Variants in SEC61A1 observed in about 807,000 individuals in gnomAD.
SEC61A1 encodes protein transport protein Sec61 subunit alpha isoform 1.
A neutral mutation model predicts 55.2 loss-of-function variants in SEC61A1; 15 were observed. The observed-to-expected ratio is 0.27, with a 90% CI of 0.18 to 0.42. The LOEUF (loss-of-function observed/expected upper bound fraction) is 0.42. Among genes scored for constraint, SEC61A1 ranks in the 10% least tolerant of loss-of-function variants. The pLI is 1.00. For missense variants in SEC61A1, 284 were observed against 602.6 expected (o/e 0.47, Z 5.53); for synonymous variants, 247 against 234.0 (o/e 1.06, Z -0.51).
Position 128,064,656 on chromosome 3 carries a change from A to C in SEC61A1, c.617-221A>C, listed in dbSNP as rs1941908430. 1.1e-5 allele frequency: 6 copies of C among 536,618 alleles called. No individual in the cohort carries two copies. In the South Asian group the frequency reaches 1.5e-4, roughly 13 times the overall value. The allele number at this position is 536,618 out of a possible 1,614,324, so 33.2% of individuals were successfully genotyped here. A position where few individuals can be genotyped will look rare whatever the true frequency, so the allele number is the denominator to read the frequency against. ...GAGAGAGAGGGACCCTGTCTAAAAAAAATCAAAAACAAACCAGAATAGCCC... is the reference window on the plus strand; with the variant it reads ...GAGAGAGAGGGACCCTGTCTAAAAACAATCAAAAACAAACCAGAATAGCCC... On this transcript the variant is annotated intron_variant, in intron 7 of 11. Transcript: ENST00000243253.
chr3:128,066,037 C>T (rs564524600), intron 8 of SEC61A1, among the ~76,000 whole-genome samples: 5 of 152,192 alleles, frequency 3.3e-5, no homozygotes, highest in African/African-American at 7.2e-5. Context: ...CCACCGCACC[C>T]GGCCTTAAGT....
intron 2 of SEC61A1, among the ~76,000 whole-genome samples, chr3:128,053,157 GCCCTGT>G (rs1941715396): frequency 6.6e-6 from 1 of 152,160 alleles, no homozygotes; most frequent in South Asian, 2.1e-4. Context: ...GCCTCCGGTT[GCCCTGT>G]CCCAAAAATG....
At position 128,066,987 on chromosome 3, in the gene SEC61A1, C is replaced by G. The variant is rs1425539176; in HGVS notation, c.811C>G (p.Arg271Gly). 1.2e-6 allele frequency: 2 copies of G among 1,614,162 alleles called. No homozygotes were observed. The highest frequency in any genetic ancestry group is 8.5e-7 in the Non-Finnish European group (1 of 1,180,024). The change falls in exon 9 of 12, where the codon CGC (arginine) becomes GGC (glycine). Residue 271 changes from arginine to glycine, a missense_variant. By Grantham distance (125) the Arg-to-Gly change is moderately radical. Coordinates refer to ENST00000243253, the MANE Select transcript of SEC61A1 (RefSeq NM_013336.4). ...AGTGGACCTGCCAATCAAGTCGGCC[C>G]GCTACCGTGGCCAGTACAACACCTA... ...FRVDLPIKSA[R>G]YRGQYNTYPI...
upstream of SEC61A1, chr3:128,052,432 G>A (rs1342017635): frequency 1.4e-6 from 2 of 1,400,160 alleles, no homozygotes; most frequent in South Asian, 1.6e-5. Flanking sequence ...CGCCGGGCTA[G>A]CACTGACGTG....
chr3:128,052,238 G>T (rs559451770), upstream of SEC61A1: 72 of 327,452 alleles, frequency 2.2e-4, no homozygotes, highest in Admixed American at 4.1e-4. Flanking sequence ...CAGTCCCGGC[G>T]GGCCCCGCGC....
chr3:128,061,960 G>A (rs1012768082), intron 7 of SEC61A1, among the ~76,000 whole-genome samples: 4 of 152,224 alleles, frequency 2.6e-5, no homozygotes, highest in Non-Finnish European at 4.4e-5. Context: ...GAGTTTGGAA[G>A]AAGTGATTTG....
At chr3:128,069,215 T>C (rs1942079561) in intron 11 of SEC61A1, among the ~76,000 whole-genome samples, 1 of 152,274 alleles carries the variant, frequency 6.6e-6, no homozygotes, top group Non-Finnish European at 1.5e-5. Context: ...TTTTACATCC[T>C]TGTCTTCAAA....
Position 128,060,215 on chromosome 3 carries a change from A to G in SEC61A1, c.462+4A>G. 1 of 1,591,770 alleles carries G rather than the reference A, an allele frequency of 6.3e-7. No individual in the cohort carries two copies. The highest frequency in any genetic ancestry group is 1.3e-5 in the African/African-American group (1 of 74,608). ...TTGCCTGCTAATCACCATTCAGGTA[A>G]TTATTATGCTAACATCTCCCTTTGA... On this transcript the variant is annotated splice_donor_region_variant and intron_variant, in intron 6 of 11. Transcript: ENST00000243253.
chr3:128,060,404 C>T, intron 6 of SEC61A1, 104 bp from the exon 7 acceptor site: 1 of 1,293,990 alleles, frequency 7.7e-7, no homozygotes, highest in South Asian at 1.3e-5. Context: ...GATGTGATCT[C>T]ATTCCGTCTT....
intron 5 of SEC61A1, among the ~76,000 whole-genome samples, chr3:128,058,199 C>CTTT (rs1343043184): frequency 6.5e-5 from 7 of 107,714 alleles, no homozygotes; most frequent in South Asian, 2.8e-4. Context: ...AGAAATACGT[C>CTTT]TATTTTTTTT....
At chr3:128,060,795 G>C in intron 7 of SEC61A1, 134 bp downstream of exon 7, 1 of 872,232 alleles carries the variant, frequency 1.1e-6, no homozygotes. Context: ...CTGGTGTTTG[G>C]GTCCATCTGC....
At chr3:128,059,969 C>T in intron 5 of SEC61A1, 133 bp from the exon 6 acceptor site, 3 of 645,324 alleles carry the variant, frequency 4.6e-6, no homozygotes, top group Admixed American at 2.8e-5. Flanking sequence ...CTCAGCCGAG[C>T]CCCTTGGAGG....
Position 128,067,893 on chromosome 3 carries a change from G to A in SEC61A1, c.1168-90G>A. 1 of 1,004,012 alleles carries A rather than the reference G, an allele frequency of 1.0e-6. No individual in the cohort carries two copies. Among genetic ancestry groups the A allele is most frequent in the Non-Finnish European group, 1.6e-6 (1 of 635,550 alleles). 62.2% of individuals were successfully genotyped at this position (1,004,012 alleles called of 1,614,324 possible). ...TGTATGAATATTGTCAGTGCTCGAAGAGGCGATCTGTAACTGTTCAGTACC... is the reference window on the plus strand; with the variant it reads ...TGTATGAATATTGTCAGTGCTCGAAAAGGCGATCTGTAACTGTTCAGTACC... On this transcript the variant is annotated intron_variant, in intron 10 of 11. Transcript: ENST00000243253. The surrounding 1 kb of genome is among the most constrained non-coding windows in gnomAD (Gnocchi z 4.1).
At chr3:128,055,433 GA>G in intron 2 of SEC61A1, 82 bp from the exon 3 acceptor site, 2 of 1,095,508 alleles carry the variant, frequency 1.8e-6, no homozygotes, top group South Asian at 1.2e-5. Flanking sequence ...CATTTTTAGA[GA>G]AAGGGGTCTG....
chr3:128,058,505 C>T (rs1941806864), intron 5 of SEC61A1, among the ~76,000 whole-genome samples: 1 of 152,146 alleles, frequency 6.6e-6, no homozygotes, highest in African/African-American at 2.4e-5. Flanking sequence ...TGAGCCACAG[C>T]GCCCAGCCAA....
chr3:128,069,314 C>T (rs557038552), intron 11 of SEC61A1, among the ~76,000 whole-genome samples, 162 bp from the exon 12 acceptor site: 10 of 152,364 alleles, frequency 6.6e-5, no homozygotes, highest in East Asian at 5.8e-4. Flanking sequence ...TGGACAGCAG[C>T]GCCTTGGCCT....
At chr3:128,051,876 G>C, upstream of SEC61A1, 1 of 1,536,002 alleles carries the variant, frequency 6.5e-7, no homozygotes, top group South Asian at 1.2e-5. Context: ...CAAGCCTCCG[G>C]GTTTGCTTAA....
rs550701450 is a variant in SEC61A1, at chr3:128,069,977, G to A, written c.*315G>A. 2.4e-5 allele frequency: 5 copies of A among 211,156 alleles called. No homozygotes were observed. In the East Asian group the frequency reaches 4.5e-4, roughly 19 times the overall value. 13.1% of individuals were successfully genotyped at this position (211,156 alleles called of 1,614,324 possible). ...TTTGCACCTTCTCAGTGCTGTATGCGGCTGCAGCCGTCTCACCTGTTTCCC... is the reference window on the plus strand; with the variant it reads ...TTTGCACCTTCTCAGTGCTGTATGCAGCTGCAGCCGTCTCACCTGTTTCCC... On this transcript the variant is annotated 3_prime_UTR_variant, in exon 12 of 12. Transcript: ENST00000243253.
At chr3:128,055,446 T>A in intron 2 of SEC61A1, 70 bp from the exon 3 acceptor site, 1 of 1,219,082 alleles carries the variant, frequency 8.2e-7, no homozygotes, top group Non-Finnish European at 1.2e-6. Context: ...AGGGGTCTGA[T>A]TGGAGTCCAT....
Sources: allele counts gnomAD v4.1 joint callset (sites outside exome capture counted in the v4.1 genomes callset), GRCh38; gene constraint gnomAD v4.1.1; non-coding constraint Gnocchi (gnomAD v3.1); transcripts MANE v1.5; gene names NCBI Gene and HGNC (gene_info 2026-07-23, HGNC 2026-07-21).